The following NRDE2 variants were observed in gnomAD, a reference collection of about 807,000 sequenced individuals.
NRDE2 encodes the protein NRDE-2, necessary for RNA interference, domain containing, also known as nuclear exosome regulator NRDE2.
A neutral mutation model predicts 124.2 loss-of-function variants in NRDE2; 76 were observed. The ratio of observed to expected loss-of-function variants is 0.61; its 90% CI spans 0.51 to 0.74. The LOEUF is 0.74. NRDE2 is among the 30% of genes least tolerant of loss of function. The pLI is 0.00. For synonymous variants in NRDE2, 489 were observed against 528.1 expected, an observed-to-expected ratio of 0.93 and a Z score of 1.01; for missense variants, 1,314 against 1,417.3, an observed-to-expected ratio of 0.93 and a Z score of 1.17.
At position 90,299,001 on chromosome 14, in the gene NRDE2, C is replaced by T. The variant is rs1416007510; in HGVS notation, c.1546-621G>A. Reference sequence around the variant, plus strand: ...GGGACTCAATAAACGCTTGTTGGCACAGATCTGAACAAGGCAGGCGACCAG... The same window carrying T: ...GGGACTCAATAAACGCTTGTTGGCATAGATCTGAACAAGGCAGGCGACCAG... On this transcript the variant is annotated intron_variant, in intron 7 of 13. Transcript: ENST00000354366. Among the ~76,000 whole-genome samples, 5 of 152,222 alleles carry T rather than the reference C, an allele frequency of 3.3e-5. No homozygotes were observed. In the East Asian group the frequency reaches 9.6e-4, roughly 29 times the overall value.
rs1347536619 is a variant in NRDE2 at position 90,272,838 on chromosome 14, T to C, written c.*5498A>G. 2 of 153,922 alleles carry C rather than the reference T, an allele frequency of 1.3e-5. No homozygotes were observed. The highest frequency in any genetic ancestry group is 2.9e-5 in the Non-Finnish European group (2 of 69,162). 9.5% of individuals were successfully genotyped at this position (153,922 alleles called of 1,614,324 possible). On this transcript the variant is annotated 3_prime_UTR_variant, in exon 14 of 14. Transcript: ENST00000354366. The surrounding 1 kb of genome is among the most constrained non-coding windows in gnomAD (Gnocchi z 4.5). ...CTACCACAGAGCCAGGGATATTCGT[T>C]GTTTAAATAATAAAGGCTGCGTTAA...
At chr14:90,286,321 G>T (rs769634843) in intron 12 of NRDE2, 33 bp downstream of exon 12, 8 of 1,603,360 alleles carry the variant, frequency 5.0e-6, no homozygotes, top group Non-Finnish European at 6.8e-6. Context: ...GTAGAGCTCT[G>T]CATGAACACA....
At position 90,306,824 on chromosome 14, in the gene NRDE2, T is replaced by A. The variant is rs945812848; in HGVS notation, c.558-2442A>T. ...GACTTGGTCTCAAAAAAAAAAAAAA[T>A]AGCACTAATGTAGTTCTAAACAAGG... is the stretch of plus-strand genomic sequence containing the variant. On this transcript the variant is annotated intron_variant, in intron 4 of 13. Transcript: ENST00000354366. Among the ~76,000 whole-genome samples the A allele has an allele frequency of 1.6e-3, 236 of 146,464 alleles. 1 individual carries two copies. Among genetic ancestry groups the A allele is most frequent in the Admixed American group, 4.4e-3 (65 of 14,638 alleles).
At chr14:90,326,085 T>C (rs1316393168) in intron 1 of NRDE2, among the ~76,000 whole-genome samples, 1 of 152,214 alleles carries the variant, frequency 6.6e-6, no homozygotes, top group Non-Finnish European at 1.5e-5. Flanking sequence ...GAATAAAGCA[T>C]GTGACAGCCA....
intron 9 of NRDE2, among the ~76,000 whole-genome samples, chr14:90,291,297 G>A (rs764523461): frequency 2.6e-5 from 4 of 152,118 alleles, no homozygotes; most frequent in Non-Finnish European, 5.9e-5. Flanking sequence ...TCAGCAAAGC[G>A]GAAATCATAA....
intron 7 of NRDE2, among the ~76,000 whole-genome samples, chr14:90,299,171 C>G (rs192423290): frequency 2.6e-5 from 4 of 152,072 alleles, no homozygotes; most frequent in Non-Finnish European, 2.9e-5. Flanking sequence ...CTCAGCCTCC[C>G]GAGTAGCTGG....
At position 90,274,039 on chromosome 14, in the gene NRDE2, G is replaced by A. The variant is rs1013001002; in HGVS notation, c.*4297C>T. 2 of 154,874 alleles carry A rather than the reference G, an allele frequency of 1.3e-5. No individual in the cohort carries two copies. The highest frequency in any genetic ancestry group is 4.8e-5 in the African/African-American group (2 of 41,520). The allele number at this position is 154,874 out of a possible 1,614,324, so 9.6% of individuals were successfully genotyped here. A position where few individuals can be genotyped will look rare whatever the true frequency, so the allele number is the denominator to read the frequency against. ...CCATGTAACATTCACACGTTCCAGG[G>A]CTTAGGGTGTGGCCATCTTTAGGGG... On this transcript the variant is annotated 3_prime_UTR_variant, in exon 14 of 14. Transcript: ENST00000354366.
Position 90,286,499 on chromosome 14 carries a change from G to C in NRDE2, c.3159-7C>G, listed in dbSNP as rs776437992. ...GATCTCTCTACCGTCTAACCTGCAA[G>C]GCAAAGGCTCACGTGACTCTGACAC... On this transcript the variant is annotated splice_region_variant and splice_polypyrimidine_tract_variant and intron_variant, in intron 11 of 13. Transcript: ENST00000354366. 1.4e-5 allele frequency: 23 copies of C among 1,607,878 alleles called. No individual in the cohort carries two copies. Among genetic ancestry groups the C allele is most frequent in the Non-Finnish European group, 1.9e-5 (22 of 1,178,316 alleles).
At chr14:90,331,512 T>C (rs1566706131) in intron 1 of NRDE2, among the ~76,000 whole-genome samples, 1 of 152,228 alleles carries the variant, frequency 6.6e-6, no homozygotes, top group Non-Finnish European at 1.5e-5. Context: ...TTCCTCGAGA[T>C]GTCGAGTATC....
Position 90,288,657 on chromosome 14 carries a change from C to T in NRDE2, c.2718G>A (p.Leu906=), listed in dbSNP as rs1251374659. The change falls in exon 11 of 14, where the codon CTG becomes CTA. Residue 906 remains leucine (L), a synonymous_variant. Coordinates refer to ENST00000354366, the MANE Select transcript of NRDE2 (RefSeq NM_017970.4). ...PTDSCSRLIS[L]AKCFMLFQYL... is the part of the protein sequence containing the mutation. ...ACTGGAAGAGCATGAAGCATTTAGC[C>T]AGGCTAATTAGGCGGCTACAGGAAT... 1.9e-6 allele frequency: 3 copies of T among 1,614,060 alleles called. No individual in the cohort carries two copies. Among genetic ancestry groups the T allele is most frequent in the Non-Finnish European group, 2.5e-6 (3 of 1,180,052 alleles).
intron 7 of NRDE2, among the ~76,000 whole-genome samples, chr14:90,300,759 G>A (rs574984281): frequency 3.3e-4 from 47 of 142,980 alleles, no homozygotes; most frequent in Non-Finnish European, 5.6e-4. Context: ...AAACTAGAAT[G>A]TGTAAGGGTG....
At position 90,272,093 on chromosome 14, in the gene NRDE2, C is replaced by G; in HGVS notation, c.*6243G>C. The G allele has an allele frequency of 2.1e-6, 1 of 475,442 alleles. No individual in the cohort carries two copies. Among genetic ancestry groups the G allele is most frequent in the South Asian group, 2.4e-5 (1 of 42,490 alleles). The allele number at this position is 475,442 out of a possible 1,614,324, so 29.5% of individuals were successfully genotyped here. On this transcript the variant is annotated 3_prime_UTR_variant, in exon 14 of 14. Coordinates refer to ENST00000354366, the MANE Select transcript of NRDE2 (RefSeq NM_017970.4). The surrounding 1 kb of genome is among the most constrained non-coding windows in gnomAD (Gnocchi z 4.5). ...ATTTTTAGTAGAGATGGGGTTTCAC[C>G]GTGTTGGCCAGGCTGGTCTTGAACT...
At chr14:90,329,227 A>C (rs1361405251) in intron 1 of NRDE2, among the ~76,000 whole-genome samples, 2 of 152,206 alleles carry the variant, frequency 1.3e-5, no homozygotes, top group Non-Finnish European at 2.9e-5. Context: ...AAAGATCACT[A>C]TCCTCCATCA....
chr14:90,269,820 C>T lies in NRDE2; in HGVS notation c.*8516G>A, dbSNP rs539114974. 3.6e-4 allele frequency: 147 copies of T among 405,408 alleles called. 1 individual carries two copies. The South Asian group carries it at 7.1e-3, about 19-fold the overall frequency. 25.1% of individuals were successfully genotyped at this position (405,408 alleles called of 1,614,324 possible). A position where few individuals can be genotyped will look rare whatever the true frequency, so the allele number is the denominator to read the frequency against. On this transcript the variant is annotated 3_prime_UTR_variant, in exon 14 of 14. Coordinates refer to ENST00000354366, the MANE Select transcript of NRDE2 (RefSeq NM_017970.4). ...TAGCCTCAAGAACTTGCTGCTTTTT[C>T]TGGAAGAAATAATTCATGTGATGGT...
At chr14:90,310,543 CAG>C (rs1884797317) in intron 4 of NRDE2, among the ~76,000 whole-genome samples, 2 of 141,330 alleles carry the variant, frequency 1.4e-5, no homozygotes, top group Non-Finnish European at 3.0e-5. Context: ...TTTTTTGAGA[CAG>C]AGTCTTGCTC....
chr14:90,287,912 C>T lies in NRDE2; in HGVS notation c.3158+305G>A, dbSNP rs1047279443. ...CCGGTGCTCTTAGCCATCAGGCTTT[C>T]GTGACGGCTTCTCAGCATTCCCGTG... On this transcript the variant is annotated intron_variant, in intron 11 of 13. Coordinates refer to ENST00000354366, the MANE Select transcript of NRDE2 (RefSeq NM_017970.4). Among the ~76,000 whole-genome samples, 22 of 152,264 alleles carry T rather than the reference C, an allele frequency of 1.4e-4. 1 individual carries two copies. Among genetic ancestry groups the T allele is most frequent in the South Asian group, 4.1e-4 (2 of 4,820 alleles).
Position 90,279,078 on chromosome 14 carries a change from T to C in NRDE2, c.3353A>G (p.Asn1118Ser), listed in dbSNP as rs3737035. 0.39 allele frequency: 621,526 copies of C among 1,607,832 alleles called. 124,833 individuals are homozygous for C. Among genetic ancestry groups the C allele is most frequent in the East Asian group, 0.52 (23,125 of 44,832 alleles). ...AACACTTACCTTTGCCCAAGGGCAATTCTGAAGTGCTTTGTAGAATACACC... is the reference window on the plus strand; with the variant it reads ...AACACTTACCTTTGCCCAAGGGCAACTCTGAAGTGCTTTGTAGAATACACC... ...SKGVFYKALQ[N>S]CPWAKVLYLD... Residue 1118 changes from asparagine (N) to serine (S), a missense_variant, in exon 13 of 14, where the codon AAT becomes AGT. Physicochemically the swap from Asn to Ser is conservative, Grantham distance 46. Transcript: ENST00000354366.
At chr14:90,310,373 A>C (rs914967152) in intron 4 of NRDE2, among the ~76,000 whole-genome samples, 1 of 152,158 alleles carries the variant, frequency 6.6e-6, no homozygotes, top group African/African-American at 2.4e-5. Context: ...CCTCTCTGCG[A>C]TTCCTTTTCC....
At position 90,301,370 on chromosome 14, in the gene NRDE2, G is replaced by A; in HGVS notation, c.1414C>T (p.Leu472Phe). 6.2e-7 allele frequency: 1 copy of A among 1,613,830 alleles called. No individual in the cohort carries two copies. Among genetic ancestry groups the A allele is most frequent in the Non-Finnish European group, 8.5e-7 (1 of 1,179,896 alleles). The change falls in exon 7 of 14, where the codon CTC becomes TTC. Residue 472 changes from leucine to phenylalanine, a missense_variant and splice_region_variant. By Grantham distance (22) the Leu-to-Phe change is conservative. Transcript: ENST00000354366. ...AGAAAGTGGCACTGCTGAAGAAAGA[G>A]TGCTGCGAACAGGAGGGCAAAGGGG... ...LPGTEEAMFA[L>F]FLQQCHFLRQ...
Sources: allele counts gnomAD v4.1 joint callset (sites outside exome capture counted in the v4.1 genomes callset), GRCh38; gene constraint gnomAD v4.1.1; non-coding constraint Gnocchi (gnomAD v3.1); transcripts MANE v1.5; gene names NCBI Gene and HGNC (gene_info 2026-07-23, HGNC 2026-07-21).